Variants in EXOC6B observed in about 807,000 individuals in gnomAD.
The protein encoded by EXOC6B is SEC15 homolog B.
Under a neutral mutation model 113.5 loss-of-function variants are expected in EXOC6B, and 54 were observed. The ratio of observed to expected loss-of-function variants is 0.48; its 90% CI spans 0.38 to 0.60. EXOC6B has a LOEUF of 0.60. Among genes scored for constraint, EXOC6B ranks in the 20% least tolerant of loss-of-function variants. The pLI is 0.00. For missense variants in EXOC6B, 797 were observed against 977.5 expected (o/e 0.82, Z 2.46); for synonymous variants, 357 against 339.0 (o/e 1.05, Z -0.58).
intron 18 of EXOC6B, among the ~76,000 whole-genome samples, chr2:72,391,295 G>T (rs958666484): frequency 2.7e-5 from 4 of 148,328 alleles, no homozygotes; most frequent in African/African-American, 1.0e-4. Flanking sequence ...AACATTTTTT[G>T]AAATATATTT....
intron 1 of EXOC6B, among the ~76,000 whole-genome samples, chr2:72,819,897 C>T (rs1686488087): frequency 6.6e-6 from 1 of 151,956 alleles, no homozygotes; most frequent in South Asian, 2.1e-4. Flanking sequence ...AAAAAATTGC[C>T]CACTTGGGTG....
chr2:72,514,257 A>T (rs967371633), intron 10 of EXOC6B, among the ~76,000 whole-genome samples: 3 of 152,182 alleles, frequency 2.0e-5, no homozygotes, highest in African/African-American at 7.2e-5. Context: ...TACTAAGCCT[A>T]AAATATTTTA....
chr2:72,588,953 A>C (rs1465958098), intron 6 of EXOC6B, among the ~76,000 whole-genome samples: 1 of 152,054 alleles, frequency 6.6e-6, no homozygotes, highest in Non-Finnish European at 1.5e-5. Context: ...CACTCACACC[A>C]ACATGGGTTA....
In EXOC6B at chr2:72,395,961, A is replaced by T. The variant is rs1409622956; in HGVS notation, c.1981-16091T>A. Among the ~76,000 whole-genome samples the T allele has an allele frequency of 2.6e-5, 4 of 152,108 alleles. 1 individual carries two copies. In the South Asian group the frequency reaches 8.3e-4, roughly 31 times the overall value. ...TGTCCATAGGTTAAGGGAAATTTAA[A>T]AGGAAATTTTATATGGGTGTCCCAG... On this transcript the variant is annotated intron_variant, in intron 18 of 21. Coordinates refer to ENST00000272427, the MANE Select transcript of EXOC6B (RefSeq NM_015189.3).
chr2:72,200,695 A>G (rs1679438121), intron 20 of EXOC6B, among the ~76,000 whole-genome samples: 5 of 152,244 alleles, frequency 3.3e-5, no homozygotes. Context: ...CAGGCCCCTG[A>G]TTTGAATCCA....
chr2:72,391,096 G>A (rs1355886278), intron 18 of EXOC6B, among the ~76,000 whole-genome samples: 1 of 152,156 alleles, frequency 6.6e-6, no homozygotes, highest in East Asian at 1.9e-4. Context: ...GTGTTACAAA[G>A]TACTTCTAGG....
chr2:72,786,879 A>G (rs1432790872), intron 1 of EXOC6B, among the ~76,000 whole-genome samples: 2 of 152,194 alleles, frequency 1.3e-5, no homozygotes, highest in Non-Finnish European at 2.9e-5. Flanking sequence ...GGTGTTGTCC[A>G]AGTGAAAAAC....
chr2:72,564,728 A>C (rs776517062), intron 7 of EXOC6B, among the ~76,000 whole-genome samples: 4 of 152,180 alleles, frequency 2.6e-5, no homozygotes, highest in Non-Finnish European at 5.9e-5. Context: ...ACTAAACACC[A>C]CAGAAACACC....
At chr2:72,575,174 T>C (rs980098909) in intron 7 of EXOC6B, among the ~76,000 whole-genome samples, 3 of 152,184 alleles carry the variant, frequency 2.0e-5, no homozygotes, top group Non-Finnish European at 2.9e-5. Context: ...CGAGGTCACC[T>C]AGACCTCCTG....
intron 18 of EXOC6B, among the ~76,000 whole-genome samples, chr2:72,421,980 T>G (rs1694902517): frequency 6.6e-6 from 1 of 152,234 alleles, no homozygotes; most frequent in African/African-American, 2.4e-5. Context: ...GGCCAGTGGC[T>G]GCGGAGGGTG....
At chr2:72,469,176 T>C (rs1698244788) in intron 17 of EXOC6B, among the ~76,000 whole-genome samples, 2 of 152,232 alleles carry the variant, frequency 1.3e-5, no homozygotes, top group East Asian at 1.9e-4. Context: ...ATAATGTCAC[T>C]AATTCACCAT....
chr2:72,766,824 C>T (rs1370239472), intron 1 of EXOC6B, among the ~76,000 whole-genome samples: 2 of 151,366 alleles, frequency 1.3e-5, no homozygotes, highest in South Asian at 2.1e-4. Context: ...CGTAGTGGTG[C>T]GCGTCTGTAA....
intron 19 of EXOC6B, among the ~76,000 whole-genome samples, chr2:72,344,475 C>T (rs1689204343): frequency 6.6e-6 from 1 of 151,772 alleles, no homozygotes; most frequent in Admixed American, 6.6e-5. Flanking sequence ...CTTGCATGGG[C>T]AATACTTTCC....
intron 17 of EXOC6B, among the ~76,000 whole-genome samples, chr2:72,476,664 T>C (rs374860240): frequency 6.6e-6 from 1 of 152,266 alleles, no homozygotes; most frequent in East Asian, 1.9e-4. Context: ...TTTTAGTTCT[T>C]CCCTTCCTTT....
intron 6 of EXOC6B, among the ~76,000 whole-genome samples, chr2:72,687,872 G>T (rs1186510001): frequency 1.3e-5 from 2 of 152,116 alleles, no homozygotes; most frequent in Non-Finnish European, 2.9e-5. Context: ...GAAAACAGGG[G>T]ATTAAGTATG....
chr2:72,309,408 C>G (rs1372528540), intron 20 of EXOC6B, among the ~76,000 whole-genome samples: 3 of 152,100 alleles, frequency 2.0e-5, no homozygotes, highest in African/African-American at 7.2e-5. Flanking sequence ...TAGGCTGAAC[C>G]TCGTTTACTC....
intron 17 of EXOC6B, among the ~76,000 whole-genome samples, chr2:72,472,027 C>T (rs972081656): frequency 6.6e-6 from 1 of 152,108 alleles, no homozygotes; most frequent in Non-Finnish European, 1.5e-5. Flanking sequence ...TTCACATTTA[C>T]TTATTTGCAT....
At chr2:72,379,641 G>A in intron 19 of EXOC6B, 88 bp downstream of exon 19, 3 of 1,323,198 alleles carry the variant, frequency 2.3e-6, no homozygotes, top group Non-Finnish European at 1.0e-6. Flanking sequence ...TTAGGAACAA[G>A]GACCCTAAAC....
intron 19 of EXOC6B, among the ~76,000 whole-genome samples, chr2:72,343,010 G>A (rs1689123111): frequency 6.6e-6 from 1 of 151,974 alleles, no homozygotes; most frequent in East Asian, 1.9e-4. Context: ...GAAAGAAAAT[G>A]GTGTATATAT....
Sources: gnomAD v4.1 joint callset for allele counts (sites outside exome capture counted in the v4.1 genomes callset) on GRCh38, gnomAD v4.1.1 for gene constraint, MANE v1.5 for transcripts, NCBI Gene and HGNC (gene_info 2026-07-23, HGNC 2026-07-21) for gene names.